DACH1: variants seen among roughly 807,000 people sequenced by gnomAD.
DACH1 encodes the protein dachshund family transcription factor 1.
In DACH1, 12 loss-of-function variants were observed where a neutral mutation model predicts 54.2. The ratio of observed to expected loss-of-function variants is 0.22; its 90% confidence interval spans 0.14 to 0.36. DACH1 has a LOEUF of 0.36. DACH1 is among the 10% of genes least tolerant of loss of function. The pLI, the probability that DACH1 is intolerant of heterozygous loss-of-function variation, is 1.00. For synonymous variants in DACH1, 386 were observed against 366.2 expected, an observed-to-expected ratio of 1.05 and a Z score of -0.62; for missense variants, 805 against 929.8, an observed-to-expected ratio of 0.87 and a Z score of 1.75.
At chr13:71,798,949 T>C (rs1205288281) in intron 1 of DACH1, among the ~76,000 whole-genome samples, 1 of 152,114 alleles carries the variant, frequency 6.6e-6, no homozygotes, top group African/African-American at 2.4e-5. Context: ...AGCTCTCTCC[T>C]CTGTTGTTTT....
At chr13:71,755,682 T>G (rs1351517075) in intron 1 of DACH1, among the ~76,000 whole-genome samples, 1 of 152,186 alleles carries the variant, frequency 6.6e-6, no homozygotes, top group African/African-American at 2.4e-5. Context: ...CACATAGATC[T>G]TTAAGAACAT....
chr13:71,682,266 T>C (rs111649890), intron 1 of DACH1, among the ~76,000 whole-genome samples: 4,778 of 152,342 alleles, frequency 0.031, 106 homozygotes, highest in Non-Finnish European at 0.045. Context: ...GTCAGCCTGC[T>C]ATTGATTTAT....
intron 6 of DACH1, among the ~76,000 whole-genome samples, chr13:71,540,124 A>G (rs1053821412): frequency 6.6e-6 from 1 of 151,934 alleles, no homozygotes; most frequent in Non-Finnish European, 1.5e-5. Context: ...TAATTGGAAA[A>G]TGTTTCCAAT....
At chr13:71,548,163 C>T (rs765897890) in intron 6 of DACH1, among the ~76,000 whole-genome samples, 11 of 152,066 alleles carry the variant, frequency 7.2e-5, no homozygotes, top group Non-Finnish European at 1.2e-4. Context: ...TTTGAACAAA[C>T]AAGAAATTTA....
At chr13:71,575,337 ATAAT>A (rs1885464004) in intron 3 of DACH1, among the ~76,000 whole-genome samples, 1 of 152,018 alleles carries the variant, frequency 6.6e-6, no homozygotes, top group South Asian at 2.1e-4. Context: ...ATATTTGAAG[ATAAT>A]TAACTAAAAT....
At chr13:71,466,326 CTTAA>C (rs769446770) in intron 10 of DACH1, among the ~76,000 whole-genome samples, 15 of 152,108 alleles carry the variant, frequency 9.9e-5, no homozygotes, top group Non-Finnish European at 1.5e-4. Context: ...AGCAAGCCAA[CTTAA>C]TTTATTTTTT....
intron 1 of DACH1, among the ~76,000 whole-genome samples, chr13:71,779,093 G>A (rs1327171781): frequency 2.1e-5 from 3 of 143,074 alleles, no homozygotes; most frequent in African/African-American, 7.9e-5. Context: ...AAAAACAAAG[G>A]GCTGAATATA....
intron 6 of DACH1, among the ~76,000 whole-genome samples, chr13:71,545,804 A>G (rs746575730): frequency 1.3e-5 from 2 of 152,112 alleles, no homozygotes; most frequent in Non-Finnish European, 2.9e-5. Flanking sequence ...GTATCCTAAC[A>G]TAACTTTAAC....
chr13:71,683,173 G>A (rs1351396731), intron 1 of DACH1, among the ~76,000 whole-genome samples: 2 of 152,158 alleles, frequency 1.3e-5, no homozygotes, highest in East Asian at 1.9e-4. Flanking sequence ...TTAGGAGAAC[G>A]GGTTCTTAGA....
chr13:71,463,809 T>C (rs895631078), intron 10 of DACH1, among the ~76,000 whole-genome samples: 3 of 152,000 alleles, frequency 2.0e-5, no homozygotes, highest in African/African-American at 7.2e-5. Flanking sequence ...CTTTCCCTTA[T>C]GTCTTTTTAA....
chr13:71,840,616 C>T (rs1594287255), intron 1 of DACH1, among the ~76,000 whole-genome samples: 1 of 152,052 alleles, frequency 6.6e-6, no homozygotes, highest in Non-Finnish European at 1.5e-5. Flanking sequence ...GCTTTCATTT[C>T]AGAAGCTTTA....
chr13:71,578,495 C>T (rs543084525), intron 3 of DACH1, among the ~76,000 whole-genome samples: 18 of 152,186 alleles, frequency 1.2e-4, no homozygotes, highest in Non-Finnish European at 2.2e-4. Context: ...TGATATAAAA[C>T]GTCAGCAGTA....
chr13:71,801,002 T>C (rs1887268574), intron 1 of DACH1, among the ~76,000 whole-genome samples: 1 of 152,136 alleles, frequency 6.6e-6, no homozygotes, highest in African/African-American at 2.4e-5. Context: ...ACTATGTATT[T>C]TAAAGTAAAT....
In DACH1 at chr13:71,758,968, A is replaced by G. The variant is rs1885286439; in HGVS notation, c.849-77058T>C. 3.4e-5 allele frequency among the ~76,000 whole-genome samples: 5 copies of G among 148,046 alleles called. No individual in the cohort carries two copies. The South Asian group carries it at 1.1e-3, about 31-fold the overall frequency. On this transcript the variant is annotated intron_variant, in intron 1 of 10. Coordinates refer to ENST00000613252, the MANE Select transcript of DACH1 (RefSeq NM_080759.6). The stretch of plus-strand genomic sequence containing the variant: ...TTCCTGTGGTCCTGTTTAAATTCTC[A>G]CCTTGCTCTGCCCTTGTCATCAAGT...
chr13:71,742,112 G>A (rs957863292), intron 1 of DACH1, among the ~76,000 whole-genome samples: 5 of 152,096 alleles, frequency 3.3e-5, no homozygotes, highest in East Asian at 1.9e-4. Flanking sequence ...AGGGGTTTCC[G>A]CTTTTGCTTC....
intron 1 of DACH1, among the ~76,000 whole-genome samples, chr13:71,684,574 A>G (rs980778357): frequency 6.6e-6 from 1 of 152,038 alleles, no homozygotes; most frequent in Non-Finnish European, 1.5e-5. Flanking sequence ...CTAAACTTTA[A>G]TCATCCTTCT....
chr13:71,748,899 T>TTTCC (rs1352890579), intron 1 of DACH1, among the ~76,000 whole-genome samples: 8 of 15,394 alleles, frequency 5.2e-4, no homozygotes, highest in African/African-American at 8.4e-4. Flanking sequence ...TCTTTCTTTC[T>TTTCC]CTTTCTTTCT....
chr13:71,693,311 T>C (rs1332969392), intron 1 of DACH1, among the ~76,000 whole-genome samples: 6 of 137,690 alleles, frequency 4.4e-5, no homozygotes, highest in African/African-American at 1.7e-4. Flanking sequence ...TTTTTTTTTT[T>C]TTTTTTTTGA....
chr13:71,452,805 C>T (rs1025718296), intron 10 of DACH1, among the ~76,000 whole-genome samples: 4 of 152,184 alleles, frequency 2.6e-5, no homozygotes, highest in Admixed American at 6.5e-5. Context: ...GTCTGCTTAA[C>T]TATTACCTGT....
Sources: gnomAD v4.1 joint callset for allele counts (sites outside exome capture counted in the v4.1 genomes callset) on GRCh38, gnomAD v4.1.1 for gene constraint, MANE v1.5 for transcripts, NCBI Gene and HGNC (gene_info 2026-07-23, HGNC 2026-07-21) for gene names.